Variants in RAB38 observed in about 807,000 individuals in gnomAD.
The protein encoded by RAB38 is RAB38, member RAS oncogene family.
RAB38 carries 15 observed loss-of-function variants against 18.4 expected under a neutral mutation model. That is an observed-to-expected ratio of 0.82 (90% confidence interval 0.55 to 1.26). The LOEUF (loss-of-function observed/expected upper bound fraction) is 1.26. RAB38 is among the 50% of genes most tolerant of loss of function. The pLI is 0.00. For missense variants in RAB38, 294 were observed against 267.4 expected (o/e 1.10, Z -0.69); for synonymous variants, 101 against 104.4 (o/e 0.97, Z 0.20).
chr11:87,957,985 C>G, the RAB38 span, among the ~76,000 whole-genome samples: 1 of 152,076 alleles, frequency 6.6e-6, no homozygotes, highest in African/African-American at 2.4e-5. Context: ...ACAGCTGGTC[C>G]CAGACTTACA....
At chr11:88,164,267 G>GGGGGGGGGGGGGGGGGGGGGGA (rs1591178434) in intron 1 of RAB38, among the ~76,000 whole-genome samples, 1 of 136,244 alleles carries the variant, frequency 7.3e-6, no homozygotes, top group Non-Finnish European at 1.6e-5. Flanking sequence ...GGTGGGGGGG[G>GGGGGGGGGGGGGGGGGGGGGGA]GTGCCATGGT....
the RAB38 span, among the ~76,000 whole-genome samples, chr11:87,951,554 G>A: frequency 6.6e-6 from 1 of 151,906 alleles, no homozygotes; most frequent in Non-Finnish European, 1.5e-5. Flanking sequence ...TTTGATGATG[G>A]TCATGTACAG....
At chr11:88,016,931 C>A in the RAB38 span, among the ~76,000 whole-genome samples, 1 of 151,998 alleles carries the variant, frequency 6.6e-6, no homozygotes, top group Non-Finnish European at 1.5e-5. Context: ...GAACCCACAG[C>A]AGGATGGATT....
intron 2 of RAB38, among the ~76,000 whole-genome samples, chr11:88,148,177 G>A (rs186002417): frequency 6.6e-6 from 1 of 152,170 alleles, no homozygotes; most frequent in Non-Finnish European, 1.5e-5. Context: ...AGGAAGACAA[G>A]AACTCTCGCA....
chr11:88,156,267 A>T (rs1433441230), intron 1 of RAB38, among the ~76,000 whole-genome samples: 2 of 152,244 alleles, frequency 1.3e-5, no homozygotes, highest in Non-Finnish European at 2.9e-5. Flanking sequence ...AGAATCTTAA[A>T]GGCAGCTAAA....
the RAB38 span, among the ~76,000 whole-genome samples, chr11:87,881,242 C>A: frequency 6.6e-6 from 1 of 151,856 alleles, no homozygotes; most frequent in Non-Finnish European, 1.5e-5. Context: ...TTGGATAATA[C>A]ACTGCCCCTG....
the RAB38 span, among the ~76,000 whole-genome samples, chr11:87,854,701 A>C: frequency 1.3e-5 from 2 of 152,242 alleles, no homozygotes; most frequent in Non-Finnish European, 2.9e-5. Flanking sequence ...TCTTTAAGAA[A>C]ACATTTCTTA....
the RAB38 span, among the ~76,000 whole-genome samples, chr11:87,902,826 TTAGA>T: frequency 1.2e-3 from 186 of 150,996 alleles, no homozygotes; most frequent in Middle Eastern, 0.014. Flanking sequence ...CAATATATAT[TTAGA>T]TAGATTTATA....
chr11:87,838,359 C>T, the RAB38 span, among the ~76,000 whole-genome samples: 16 of 152,298 alleles, frequency 1.1e-4, no homozygotes, highest in East Asian at 3.1e-3. Context: ...CATGATCCGC[C>T]CACCTTGGCC....
At chr11:87,951,570 G>A in the RAB38 span, among the ~76,000 whole-genome samples, 1 of 152,022 alleles carries the variant, frequency 6.6e-6, no homozygotes, top group African/African-American at 2.4e-5. Flanking sequence ...TACAGATGGG[G>A]TTTTGGTGTG....
chr11:88,061,540 A>G, the RAB38 span: 1 of 152,268 alleles, frequency 6.6e-6, no homozygotes, highest in Non-Finnish European at 1.5e-5. Context: ...ATTTGCCTCA[A>G]AAATAGACAA....
At chr11:87,937,716 A>T in the RAB38 span, among the ~76,000 whole-genome samples, 1 of 152,100 alleles carries the variant, frequency 6.6e-6, no homozygotes, top group Non-Finnish European at 1.5e-5. Context: ...AAGCCCGTCT[A>T]CTGAGTGTTT....
the RAB38 span, among the ~76,000 whole-genome samples, chr11:87,892,318 C>A: frequency 2.0e-5 from 3 of 151,808 alleles, no homozygotes; most frequent in Non-Finnish European, 4.4e-5. Context: ...ATTACTGAGT[C>A]CTAAAAAATT....
intron 2 of RAB38, 131 bp downstream of exon 2, chr11:88,149,544 G>A: frequency 9.2e-7 from 1 of 1,083,658 alleles, no homozygotes; most frequent in South Asian, 1.7e-5. Context: ...ATGAGAAAGA[G>A]CTTAGAGCAA....
At chr11:88,029,990 C>T in the RAB38 span, among the ~76,000 whole-genome samples, 1 of 152,138 alleles carries the variant, frequency 6.6e-6, no homozygotes, top group Non-Finnish European at 1.5e-5. Context: ...TAAAGCTCTC[C>T]TCAGCAAATG....
chr11:87,932,726 G>T, the RAB38 span, among the ~76,000 whole-genome samples: 5 of 152,140 alleles, frequency 3.3e-5, no homozygotes, highest in South Asian at 1.0e-3. Flanking sequence ...TTTTGTGTAA[G>T]TACAGCTGCA....
the RAB38 span, among the ~76,000 whole-genome samples, chr11:87,909,636 T>A: frequency 6.6e-6 from 1 of 152,046 alleles, no homozygotes; most frequent in Non-Finnish European, 1.5e-5. Context: ...TTGTAGTCCT[T>A]CTCTTTTGTG....
At chr11:87,807,800 G>A in the RAB38 span, among the ~76,000 whole-genome samples, 1 of 152,170 alleles carries the variant, frequency 6.6e-6, no homozygotes, top group South Asian at 2.1e-4. Context: ...TTATCTCTGA[G>A]GAGAGTAGTT....
At chr11:87,837,709 A>G in the RAB38 span, among the ~76,000 whole-genome samples, 1 of 152,302 alleles carries the variant, frequency 6.6e-6, no homozygotes, top group Admixed American at 6.5e-5. Flanking sequence ...CTATGTAACT[A>G]AGGATCAAGC....
Sources: gnomAD v4.1 joint callset for allele counts (sites outside exome capture counted in the v4.1 genomes callset) on GRCh38, gnomAD v4.1.1 for gene constraint, MANE v1.5 for transcripts, NCBI Gene and HGNC (gene_info 2026-07-23, HGNC 2026-07-21) for gene names.